POMT1: variants seen among roughly 807,000 people sequenced by gnomAD.
POMT1 encodes the protein protein O-mannosyl-transferase 1.
Under a neutral mutation model 101.6 loss-of-function variants are expected in POMT1, and 85 were observed. The observed-to-expected ratio is 0.84, with a 90% CI of 0.70 to 1.00. POMT1 has a LOEUF of 1.00. Ranked by LOEUF, POMT1 falls within the 50% of genes least tolerant of loss-of-function variation. The pLI, the probability that POMT1 is intolerant of heterozygous loss-of-function variation, is 0.00. For synonymous variants in POMT1, 371 were observed against 383.0 expected (o/e 0.97, Z 0.37); for missense variants, 857 against 930.4 (o/e 0.92, Z 1.03).
intron 2 of POMT1, among the ~76,000 whole-genome samples, chr9:131,504,747 A>ATATGTGTGTG (rs56692415): frequency 0.047 from 5,770 of 122,544 alleles, 257 homozygotes; most frequent in East Asian, 0.1. Flanking sequence ...TAACTGATTA[A>ATATGTGTGTG]TGTGTGTATG....
intron 17 of POMT1, 63 bp downstream of exon 17, chr9:131,520,256 C>A: frequency 1.5e-6 from 2 of 1,343,912 alleles, no homozygotes; most frequent in South Asian, 1.2e-5. Flanking sequence ...GAATTCCTTG[C>A]ATTAAGAGCA....
intron 2 of POMT1, among the ~76,000 whole-genome samples, chr9:131,504,791 G>GTGTGTT (rs1554770802): frequency 2.6e-5 from 4 of 151,054 alleles, no homozygotes; most frequent in East Asian, 1.9e-4. Context: ...GTGTGTGTGT[G>GTGTGTT]TTTTTGAGAC....
chr9:131,520,998 T>A, intron 17 of POMT1: 1 of 352,566 alleles, frequency 2.8e-6, no homozygotes, highest in South Asian at 2.3e-5. Flanking sequence ...CCCACCGCAA[T>A]GCCCAGCTAA....
intron 11 of POMT1, among the ~76,000 whole-genome samples, chr9:131,512,914 C>G (rs1175286345): frequency 1.3e-5 from 2 of 150,504 alleles, no homozygotes; most frequent in South Asian, 2.1e-4. Flanking sequence ...GCCCGGCCCC[C>G]TCATACACTT....
chr9:131,518,490 C>T lies in POMT1; in HGVS notation c.1318C>T (p.Leu440Phe), dbSNP rs1030768604. 5 of 1,613,842 alleles carry T rather than the reference C, an allele frequency of 3.1e-6. No homozygotes were observed. Among genetic ancestry groups the T allele is most frequent in the Non-Finnish European group, 3.4e-6 (4 of 1,180,006 alleles). The change falls in exon 14 of 20, where the codon CTC becomes TTC. Residue 440 changes from leucine (L) to phenylalanine (F), a missense_variant. Leu to Phe is a conservative substitution (Grantham distance 22). Coordinates refer to ENST00000402686, the MANE Select transcript of POMT1 (RefSeq NM_001077365.2). ...TGACACAGACGTCTGGAAGACCATC[C>T]TCTCAGAGGTCCGCTTTGTGCACGT... ...GSDTDVWKTILSEVRFVHVNT... is the reference protein window; with the variant it reads ...GSDTDVWKTIFSEVRFVHVNT...
rs138898670 is a variant in POMT1, at chr9:131,522,443, G to C, written c.2003+219G>C. 146 of 954,560 alleles carry C rather than the reference G, an allele frequency of 1.5e-4. No individual in the cohort carries two copies. The African/African-American group carries it at 2.3e-3, about 15-fold the overall frequency. The allele number at this position is 954,560 out of a possible 1,614,324, so 59.1% of individuals were successfully genotyped here. A position where few individuals can be genotyped will look rare whatever the true frequency, so the allele number is the denominator to read the frequency against. On this transcript the variant is annotated intron_variant, in intron 19 of 19. Coordinates refer to ENST00000402686, the MANE Select transcript of POMT1 (RefSeq NM_001077365.2). The surrounding 1 kb of genome is among the most constrained non-coding windows in gnomAD (Gnocchi z 5.5). Reference sequence around the variant, plus strand: ...AGTCGCGGCTGACAGAGATGAAAGCGGAGTGGGTGGGGAGACGGGGAGGGG... The same window carrying C: ...AGTCGCGGCTGACAGAGATGAAAGCCGAGTGGGTGGGGAGACGGGGAGGGG...
chr9:131,507,726 A>G (rs1239654651), intron 5 of POMT1, among the ~76,000 whole-genome samples: 2 of 152,186 alleles, frequency 1.3e-5, no homozygotes, highest in Admixed American at 6.5e-5. Context: ...CAGTCGGGGT[A>G]TGGCAGTAGA....
rs1945730423 is a variant in POMT1 at position 131,506,033 on chromosome 9, CAT to C, written c.123-79_123-78del. On this transcript the variant is annotated intron_variant, in intron 2 of 19. Coordinates refer to ENST00000402686, the MANE Select transcript of POMT1 (RefSeq NM_001077365.2). ...ACTCACTCAAAGTCATTTGGAAACA[CAT>C]ACACATTTATCCTCACAGTTTTTGT... The C allele has an allele frequency of 1.5e-5, 24 of 1,579,426 alleles. No homozygotes were observed. In the South Asian group the frequency reaches 2.7e-4, roughly 18 times the overall value.
chr9:131,508,736 G>A (rs1265365809), intron 5 of POMT1, among the ~76,000 whole-genome samples, 175 bp from the exon 6 acceptor site: 1 of 152,202 alleles, frequency 6.6e-6, no homozygotes, highest in Non-Finnish European at 1.5e-5. Context: ...CAAAAGAGAT[G>A]TGTATTGGGT....
Position 131,508,925 on chromosome 9 carries a change from A to G in POMT1, c.442A>G (p.Thr148Ala). The G allele has an allele frequency of 6.2e-7, 1 of 1,612,134 alleles. No homozygotes were observed. The highest frequency in any genetic ancestry group is 8.5e-7 in the Non-Finnish European group (1 of 1,178,208). ...CTTTGAAACAGAGAATGCTCTCATC[A>G]CTCAGTCAAGGCTAATGCTTTTGGA... is the stretch of plus-strand genomic sequence containing the variant. ...LLMLIENALI[T>A]QSRLMLLESV... The change falls in exon 6 of 20, where the codon ACT (threonine) becomes GCT (alanine). Residue 148 changes from threonine to alanine, a missense_variant. By Grantham distance (58) the Thr-to-Ala change is moderately conservative. Transcript: ENST00000402686.
chr9:131,509,161 A>T, intron 6 of POMT1, 139 bp downstream of exon 6: 1 of 703,778 alleles, frequency 1.4e-6, no homozygotes, highest in Non-Finnish European at 2.5e-6. Context: ...CTTGCTAAAT[A>T]TCTTTTTTTT....
chr9:131,515,776 C>A lies in POMT1; in HGVS notation c.1272+254C>A, dbSNP rs536897848. On this transcript the variant is annotated intron_variant, in intron 13 of 19. Coordinates refer to ENST00000402686, the MANE Select transcript of POMT1 (RefSeq NM_001077365.2). Reference sequence around the variant, plus strand: ...ACGGAGCACTTCCTCTAACATGGAGCACTTCCTGTAACACAGGACACTTCC... The same window carrying A: ...ACGGAGCACTTCCTCTAACATGGAGAACTTCCTGTAACACAGGACACTTCC... Among the ~76,000 whole-genome samples, 306 of 31,370 alleles carry A rather than the reference C, an allele frequency of 9.8e-3. 21 individuals are homozygous for A. The highest frequency in any genetic ancestry group is 0.022 in the African/African-American group (300 of 13,396). 20.6% of individuals were successfully genotyped at this position (31,370 alleles called of 152,430 possible). A position where few individuals can be genotyped will look rare whatever the true frequency, so the allele number is the denominator to read the frequency against.
rs1217957899 is a variant in POMT1, at chr9:131,503,639, T to TG, written c.-30-545dup. Among the ~76,000 whole-genome samples the TG allele has an allele frequency of 1.3e-5, 2 of 152,072 alleles. No individual in the cohort carries two copies. Among genetic ancestry groups the TG allele is most frequent in the Admixed American group, 6.5e-5 (1 of 15,298 alleles). ...GGAAGATGAAGCCTGGAGGAGAACG[T>TG]GGGGGCGCAGGGTGCAAATGCACCC... is the stretch of plus-strand genomic sequence containing the variant. On this transcript the variant is annotated intron_variant, in intron 1 of 19. Coordinates refer to ENST00000402686, the MANE Select transcript of POMT1 (RefSeq NM_001077365.2). The surrounding 1 kb of genome is among the most constrained non-coding windows in gnomAD (Gnocchi z 4.4).
intron 13 of POMT1, chr9:131,518,204 C>G: frequency 1.7e-6 from 1 of 591,444 alleles, no homozygotes; most frequent in South Asian, 1.6e-5. Flanking sequence ...TGTGAGGAGG[C>G]CTCTTGTACG....
intron 11 of POMT1, among the ~76,000 whole-genome samples, chr9:131,512,525 G>A (rs530220563): frequency 2.0e-5 from 3 of 152,268 alleles, no homozygotes; most frequent in Non-Finnish European, 4.4e-5. Flanking sequence ...GTCTCTAGCT[G>A]TCCCGGTCAC....
intron 13 of POMT1, chr9:131,516,679 G>C (rs910234111): frequency 6.6e-6 from 1 of 152,540 alleles, no homozygotes; most frequent in African/African-American, 2.4e-5. Flanking sequence ...TGTGTTCACT[G>C]AGATTCTAAA....
In POMT1 at chr9:131,522,069, G is replaced by C. The variant is rs370443246; in HGVS notation, c.1848G>C (p.Leu616=). The C allele has an allele frequency of 4.3e-6, 7 of 1,614,010 alleles. No individual in the cohort carries two copies. The African/African-American group carries it at 9.3e-5, about 22-fold the overall frequency. Residue 616 remains leucine (L), a synonymous_variant, in exon 19 of 20, where the codon CTG becomes CTC. Coordinates refer to ENST00000402686, the MANE Select transcript of POMT1 (RefSeq NM_001077365.2). The surrounding 1 kb of genome is among the most constrained non-coding windows in gnomAD (Gnocchi z 5.5). ...TAGATGCCTGGCTGCGCTGGGTGCT[G>C]GCTGGGGCGCTGTGTGCCGGTGGCT... ...LPQDAWLRWV[L]AGALCAGGWA...
chr9:131,504,373 C>G, intron 2 of POMT1, 33 bp downstream of exon 2: 1 of 1,614,134 alleles, frequency 6.2e-7, no homozygotes, highest in Non-Finnish European at 8.5e-7. Flanking sequence ...CAGGGTGAAT[C>G]TAGAATTGTA....
Position 131,523,035 on chromosome 9 carries a change from TCA to T in POMT1, c.2109_2110del (p.Ser705AlafsTer3). ...GCGCCCACTCACCTACGGGGACAAG[TCA>T]CTCTCGCCACATGAACTCAAGGCCC... ...TLRPLTYGDK[S>X]LSPHELKALR... On this transcript the variant is annotated frameshift_variant, in exon 20 of 20. Transcript: ENST00000402686. LOFTEE classifies it high-confidence loss of function. 1.2e-6 allele frequency: 2 copies of T among 1,611,122 alleles called. No homozygotes were observed. Among genetic ancestry groups the T allele is most frequent in the Non-Finnish European group, 1.7e-6 (2 of 1,179,820 alleles).
Sources: gnomAD v4.1 joint callset for allele counts (sites outside exome capture counted in the v4.1 genomes callset) on GRCh38, gnomAD v4.1.1 for gene constraint, Gnocchi (gnomAD v3.1) non-coding constraint, MANE v1.5 for transcripts, NCBI Gene and HGNC (gene_info 2026-07-23, HGNC 2026-07-21) for gene names.